CHODL: variants seen among roughly 807,000 people sequenced by gnomAD.
CHODL encodes chondrolectin, also known as transmembrane protein MT75.
Under a neutral mutation model 34.5 loss-of-function variants are expected in CHODL, and 29 were observed. The observed-to-expected ratio is 0.84, with a 90% CI of 0.63 to 1.15. The LOEUF (loss-of-function observed/expected upper bound fraction) is 1.15, where lower values mean the gene tolerates loss of function less well. Ranked by LOEUF, CHODL falls within the 50% of genes most tolerant of loss-of-function variation. CHODL has a pLI of 0.00. For missense variants in CHODL, 332 were observed against 332.5 expected (o/e 1.00, Z 0.01); for synonymous variants, 125 against 116.1 (o/e 1.08, Z -0.49).
At chr21:18,042,860 C>A (rs1359266501) in intron 2 of CHODL, among the ~76,000 whole-genome samples, 1 of 151,750 alleles carries the variant, frequency 6.6e-6, no homozygotes, top group Non-Finnish European at 1.5e-5. Context: ...CTTTGTATGT[C>A]CAGAAAACTT....
At chr21:18,097,655 AC>A (rs1287453519) in intron 2 of CHODL, among the ~76,000 whole-genome samples, 1 of 152,140 alleles carries the variant, frequency 6.6e-6, no homozygotes, top group East Asian at 1.9e-4. Flanking sequence ...AAAGCAGTCT[AC>A]AGAGTCAATG....
At chr21:18,124,962 G>A (rs1165886436) in intron 2 of CHODL, among the ~76,000 whole-genome samples, 1 of 152,122 alleles carries the variant, frequency 6.6e-6, no homozygotes, top group Non-Finnish European at 1.5e-5. Flanking sequence ...TATAAGGTAG[G>A]AGTCTACCAA....
chr21:18,012,770 G>A (rs1018787101), intron 1 of CHODL, among the ~76,000 whole-genome samples: 2 of 152,170 alleles, frequency 1.3e-5, no homozygotes, highest in African/African-American at 2.4e-5. Flanking sequence ...AGAAACAGAA[G>A]AGAATTCGTG....
Position 17,978,346 on chromosome 21 carries a change from T to A in CHODL, c.-144-49526T>A, listed in dbSNP as rs1395744372. Among the ~76,000 whole-genome samples, 4 of 132,450 alleles carry A rather than the reference T, an allele frequency of 3.0e-5. No homozygotes were observed. In the South Asian group the frequency reaches 7.7e-4, roughly 26 times the overall value. 86.9% of individuals were successfully genotyped at this position (132,450 alleles called of 152,430 possible). ...CTGAGGCAGGAGAATGGTGTGAACCTGGCAGGCGGAGCTTGCAATGAGCCA... is the reference window on the plus strand; with the variant it reads ...CTGAGGCAGGAGAATGGTGTGAACCAGGCAGGCGGAGCTTGCAATGAGCCA... On this transcript the variant is annotated intron_variant, in intron 1 of 6. Transcript: ENST00000400127.
At position 17,962,791 on chromosome 21, in the gene CHODL, C is replaced by T. The variant is rs148071202; in HGVS notation, c.-145+45391C>T. Among the ~76,000 whole-genome samples the T allele has an allele frequency of 4.2e-3, 638 of 152,096 alleles. 2 individuals are homozygous for T. The highest frequency in any genetic ancestry group is 0.012 in the African/African-American group (483 of 41,498). On this transcript the variant is annotated intron_variant, in intron 1 of 6. Coordinates refer to the CHODL transcript ENST00000400127. ...AGAAGTAATACTTCCAGGCCAGGCG[C>T]GGTGGCTCATGCCTGTAATCCCAGC...
At chr21:18,005,217 G>A (rs2063948967) in intron 1 of CHODL, among the ~76,000 whole-genome samples, 1 of 152,188 alleles carries the variant, frequency 6.6e-6, no homozygotes, top group South Asian at 2.1e-4. Context: ...TGGGCCAGCT[G>A]CCAATTTACT....
At chr21:18,085,435 G>GAAA (rs2064994445) in intron 2 of CHODL, among the ~76,000 whole-genome samples, 1 of 152,042 alleles carries the variant, frequency 6.6e-6, no homozygotes, top group Non-Finnish European at 1.5e-5. Flanking sequence ...CCTTCTTTGT[G>GAAA]TGATTGTATT....
At position 17,930,928 on chromosome 21, in the gene CHODL, G is replaced by A. The variant is rs143694087; in HGVS notation, c.-145+13528G>A. ...TGAAGCCATTCCAGTGAAGAATCAC[G>A]GGACAGGTGTTTTCCCTGGCTTTCG... On this transcript the variant is annotated intron_variant, in intron 1 of 6. Coordinates refer to the CHODL transcript ENST00000400127. Among the ~76,000 whole-genome samples, 12 of 152,336 alleles carry A rather than the reference G, an allele frequency of 7.9e-5. No individual in the cohort carries two copies. The East Asian group carries it at 1.7e-3, about 22-fold the overall frequency.
In CHODL at chr21:17,997,636, T is replaced by C. The variant is rs1192492393; in HGVS notation, c.-144-30236T>C. On this transcript the variant is annotated intron_variant, in intron 1 of 6. Transcript: ENST00000400127. ...CTGGGGATGCCATGCCTCAGAATCATAGCGGGAGATGAAAGGCACTTCTTA... is the reference window on the plus strand; with the variant it reads ...CTGGGGATGCCATGCCTCAGAATCACAGCGGGAGATGAAAGGCACTTCTTA... Among the ~76,000 whole-genome samples, 4 of 152,154 alleles carry C rather than the reference T, an allele frequency of 2.6e-5. No homozygotes were observed. The East Asian group carries it at 5.8e-4, about 22-fold the overall frequency.
In CHODL at chr21:18,159,527, G is replaced by A. The variant is rs533353529; in HGVS notation, c.-44-96982G>A. Among the ~76,000 whole-genome samples, 6 of 152,216 alleles carry A rather than the reference G, an allele frequency of 3.9e-5. No homozygotes were observed. The South Asian group carries it at 1.2e-3, about 32-fold the overall frequency. On this transcript the variant is annotated intron_variant, in intron 2 of 6. Transcript: ENST00000400127. ...AACTCATGACTTAATTGTCAAAAAA[G>A]GAAAGAATTTAAAAACAAGCTGATG... is the stretch of plus-strand genomic sequence containing the variant.
intron 1 of CHODL, among the ~76,000 whole-genome samples, chr21:18,253,775 T>C (rs8127238): frequency 0.014 from 2,162 of 152,268 alleles, 63 homozygotes; most frequent in African/African-American, 0.048. Flanking sequence ...TTATTTCCCA[T>C]GGTCATTCAT....
At chr21:18,110,034 A>G (rs186405854) in intron 2 of CHODL, among the ~76,000 whole-genome samples, 17 of 152,254 alleles carry the variant, frequency 1.1e-4, no homozygotes, top group Admixed American at 3.9e-4. Flanking sequence ...CTGGGCTGGG[A>G]GTGTTGTGCT....
intron 5 of CHODL, 67 bp downstream of exon 5, chr21:18,262,960 A>G: frequency 1.1e-6 from 1 of 875,626 alleles, no homozygotes; most frequent in Non-Finnish European, 1.9e-6. Flanking sequence ...ATGTTTTAAA[A>G]CTATTAGCAT....
intron 2 of CHODL, among the ~76,000 whole-genome samples, chr21:18,054,865 A>G (rs1297759300): frequency 6.6e-6 from 1 of 151,958 alleles, no homozygotes; most frequent in African/African-American, 2.4e-5. Context: ...TAATATCAAA[A>G]CAATACTTGC....
At chr21:18,027,724 A>G (rs533783486) in intron 1 of CHODL, 38 of 152,244 alleles carry the variant, frequency 2.5e-4, no homozygotes, top group Non-Finnish European at 5.4e-4. Context: ...ATATGTTGAA[A>G]TTCTAACGCA....
chr21:18,165,916 T>C (rs1399023541), intron 2 of CHODL, among the ~76,000 whole-genome samples: 2 of 152,214 alleles, frequency 1.3e-5, no homozygotes, highest in African/African-American at 4.8e-5. Flanking sequence ...ACTTAGAATG[T>C]ATACTGGCTT....
intron 2 of CHODL, among the ~76,000 whole-genome samples, chr21:18,200,054 A>G (rs2073634292): frequency 6.6e-6 from 1 of 152,024 alleles, no homozygotes; most frequent in African/African-American, 2.4e-5. Flanking sequence ...TGGCTGTACC[A>G]TTTTTCATCC....
chr21:18,201,163 A>AAAGGATCCTTT (rs1282637586), intron 2 of CHODL, among the ~76,000 whole-genome samples: 1 of 152,230 alleles, frequency 6.6e-6, no homozygotes, highest in East Asian at 1.9e-4. Context: ...GATATGAACC[A>AAAGGATCCTTT]GGCTATCGGA....
chr21:17,925,560 C>A (rs1477454762), intron 1 of CHODL, among the ~76,000 whole-genome samples: 1 of 152,184 alleles, frequency 6.6e-6, no homozygotes, highest in Non-Finnish European at 1.5e-5. Flanking sequence ...AATAAATAAA[C>A]AAGGAGCTAC....
Sources: gnomAD v4.1 joint callset for allele counts (sites outside exome capture counted in the v4.1 genomes callset) on GRCh38, gnomAD v4.1.1 for gene constraint, MANE v1.5 for transcripts, NCBI Gene and HGNC (gene_info 2026-07-23, HGNC 2026-07-21) for gene names.